ZNF334: variants seen among roughly 807,000 people sequenced by gnomAD.
The protein encoded by ZNF334 is zinc finger protein 334.
In ZNF334, 14 loss-of-function variants were observed where a neutral mutation model predicts 12.4. That is an observed-to-expected ratio of 1.13 (90% CI 0.74 to 1.76). ZNF334 has a LOEUF of 1.76. ZNF334 is among the 40% of genes most tolerant of loss of function. ZNF334 has a pLI of 0.00. For missense variants in ZNF334, 797 were observed against 804.5 expected, an observed-to-expected ratio of 0.99 and a Z score of 0.11; for synonymous variants, 273 against 269.6, an observed-to-expected ratio of 1.01 and a Z score of -0.12.
At chr20:46,494,428 T>A in the ZNF334 span, among the ~76,000 whole-genome samples, 1 of 152,198 alleles carries the variant, frequency 6.6e-6, no homozygotes, top group African/African-American at 2.4e-5. Flanking sequence ...TGTTGAGGCA[T>A]CAGTACGTTT....
chr20:46,463,558 C>T, the ZNF334 span, among the ~76,000 whole-genome samples: 1 of 152,200 alleles, frequency 6.6e-6, no homozygotes, highest in Admixed American at 6.5e-5. Context: ...TACTTTCAAA[C>T]CCAGGGTCCT....
At position 46,502,661 on chromosome 20, in the gene ZNF334, T is replaced by C. The variant is rs528488128; in HGVS notation, c.678A>G (p.Thr226=). The change falls in exon 5 of 5, where the codon ACA becomes ACG. Residue 226 remains threonine, a synonymous_variant. Transcript: ENST00000692313. ...KTFFKRAILI[T]QKGRQTERKP... ...TCCTTTCAGTCTGTCTCCCCTTTTG[T>C]GTAATGAGAATTGCCCTCTTGAAGA... 6.2e-7 allele frequency: 1 copy of C among 1,612,694 alleles called. No homozygotes were observed. Among genetic ancestry groups the C allele is most frequent in the African/African-American group, 1.3e-5 (1 of 75,050 alleles).
the ZNF334 span, among the ~76,000 whole-genome samples, chr20:46,475,583 G>GA: frequency 4.7e-5 from 7 of 149,844 alleles, no homozygotes; most frequent in South Asian, 2.1e-4. Context: ...AGCAAAAAAA[G>GA]AAAAAAAAAT....
At chr20:46,497,419 A>C (rs1822397150), downstream of ZNF334, among the ~76,000 whole-genome samples, 1 of 152,264 alleles carries the variant, frequency 6.6e-6, no homozygotes. Flanking sequence ...CAAACCGTTA[A>C]CATATAATAA....
At chr20:46,486,619 A>G in the ZNF334 span, among the ~76,000 whole-genome samples, 5 of 152,132 alleles carry the variant, frequency 3.3e-5, no homozygotes, top group African/African-American at 9.6e-5. Context: ...AGTTTTAAGG[A>G]AAAAAAATCC....
At position 46,501,287 on chromosome 20, in the gene ZNF334, T is replaced by C. The variant is rs777979420; in HGVS notation, c.*9A>G. The C allele has an allele frequency of 6.2e-7, 1 of 1,601,678 alleles. No homozygotes were observed. Among genetic ancestry groups the C allele is most frequent in the Non-Finnish European group, 8.5e-7 (1 of 1,173,872 alleles). ...GTTGCTTTGTTGGAATTTATTACTT[T>C]GTTGGAACTTATTCCTTGTGGGATT... On this transcript the variant is annotated 3_prime_UTR_variant, in exon 5 of 5. Transcript: ENST00000692313.
At chr20:46,486,614 TA>T in the ZNF334 span, among the ~76,000 whole-genome samples, 1 of 152,244 alleles carries the variant, frequency 6.6e-6, no homozygotes, top group African/African-American at 2.4e-5. Flanking sequence ...CAGCCAGTTT[TA>T]AGGAAAAAAA....
At chr20:46,498,939 C>A (rs576219804), downstream of ZNF334, among the ~76,000 whole-genome samples, 4 of 152,056 alleles carry the variant, frequency 2.6e-5, no homozygotes, top group South Asian at 6.2e-4. Context: ...CTTTGGGAGG[C>A]CGAGGCGGGC....
At position 46,501,293 on chromosome 20, in the gene ZNF334, A is replaced by G; in HGVS notation, c.*3T>C. On this transcript the variant is annotated 3_prime_UTR_variant, in exon 5 of 5. Transcript: ENST00000692313. Reference sequence around the variant, plus strand: ...TTGTTGGAATTTATTACTTTGTTGGAACTTATTCCTTGTGGGATTTCTGAT... The same window carrying G: ...TTGTTGGAATTTATTACTTTGTTGGGACTTATTCCTTGTGGGATTTCTGAT... The G allele has an allele frequency of 6.2e-7, 1 of 1,607,212 alleles. No individual in the cohort carries two copies. The highest frequency in any genetic ancestry group is 8.5e-7 in the Non-Finnish European group (1 of 1,176,460).
chr20:46,477,796 G>A, the ZNF334 span, among the ~76,000 whole-genome samples: 3 of 152,186 alleles, frequency 2.0e-5, no homozygotes, highest in Non-Finnish European at 4.4e-5. Flanking sequence ...CTCTAGGGTG[G>A]CTGTGTCAGT....
downstream of ZNF334, among the ~76,000 whole-genome samples, chr20:46,499,173 CAAAAAAAAAAAAAAA>C (rs61489091): frequency 8.4e-5 from 5 of 59,766 alleles, no homozygotes; most frequent in East Asian, 6.0e-4. Context: ...GACTCCGTCT[CAAAAAAAAAAAAAAA>C]AAAAAAAAAA....
the ZNF334 span, among the ~76,000 whole-genome samples, chr20:46,468,279 AT>A: frequency 0.015 from 2,200 of 144,224 alleles, 31 homozygotes; most frequent in African/African-American, 0.043. Flanking sequence ...TTACACCCAC[AT>A]TTTTTTTTTT....
chr20:46,510,682 C>T (rs779020223), intron 2 of ZNF334, among the ~76,000 whole-genome samples: 3 of 149,360 alleles, frequency 2.0e-5, no homozygotes, highest in Non-Finnish European at 3.0e-5. Context: ...GGTGTGAACC[C>T]GGGAGGCAGA....
chr20:46,481,549 T>C, the ZNF334 span, among the ~76,000 whole-genome samples: 3 of 152,150 alleles, frequency 2.0e-5, no homozygotes, highest in African/African-American at 7.2e-5. Flanking sequence ...TCCCTGGGGA[T>C]AGTGAGTTCA....
At chr20:46,467,173 T>C in the ZNF334 span, among the ~76,000 whole-genome samples, 3 of 152,192 alleles carry the variant, frequency 2.0e-5, no homozygotes, top group Non-Finnish European at 4.4e-5. Flanking sequence ...TGCAGGTGTC[T>C]TCCTGCTGGC....
At chr20:46,506,420 G>A in intron 2 of ZNF334, 1 of 479,120 alleles carries the variant, frequency 2.1e-6, no homozygotes, top group Non-Finnish European at 3.7e-6. Context: ...GAGCTCAGAA[G>A]CTCAAGATCA....
At chr20:46,495,576 C>G (rs549097067), downstream of ZNF334, among the ~76,000 whole-genome samples, 1 of 152,090 alleles carries the variant, frequency 6.6e-6, no homozygotes, top group African/African-American at 2.4e-5. Context: ...TTATCCCCCA[C>G]CTTTTGACCT....
At chr20:46,483,257 T>C in the ZNF334 span, among the ~76,000 whole-genome samples, 3 of 152,162 alleles carry the variant, frequency 2.0e-5, no homozygotes, top group Non-Finnish European at 4.4e-5. Context: ...TTTTCATTCA[T>C]ATACTTTAGG....
the ZNF334 span, chr20:46,492,910 C>G: frequency 2.6e-5 from 4 of 151,578 alleles, no homozygotes; most frequent in African/African-American, 9.7e-5. Context: ...AGTGAAACCC[C>G]ATCTCTCCTA....
Sources: allele counts gnomAD v4.1 joint callset (sites outside exome capture counted in the v4.1 genomes callset), GRCh38; gene constraint gnomAD v4.1.1; transcripts MANE v1.5; gene names NCBI Gene and HGNC (gene_info 2026-07-23, HGNC 2026-07-21).